UTRN: variants seen among roughly 807,000 people sequenced by gnomAD.
UTRN encodes utrophin, also known as dystrophin-related protein 1.
A neutral mutation model predicts 463.9 loss-of-function variants in UTRN; 283 were observed. The ratio of observed to expected loss-of-function variants is 0.61; its 90% confidence interval spans 0.55 to 0.67. The LOEUF is 0.67. Ranked by LOEUF, UTRN falls within the 30% of genes least tolerant of loss-of-function variation. The probability of loss-of-function intolerance (pLI) is 0.00; values close to 1 mark genes in which losing one functional copy is unlikely to be tolerated. For missense variants in UTRN, 3,922 were observed against 4,084.3 expected (o/e 0.96, Z 1.08); for synonymous variants, 1,442 against 1,431.5 (o/e 1.01, Z -0.17).
At chr6:144,572,142 C>T (rs138579056) in intron 50 of UTRN, among the ~76,000 whole-genome samples, 210 of 152,194 alleles carry the variant, frequency 1.4e-3, no homozygotes, top group African/African-American at 4.8e-3. Flanking sequence ...GTGGTGGCAA[C>T]GCTGAAGACA....
At chr6:144,717,730 G>T (rs1489091592) in intron 53 of UTRN, among the ~76,000 whole-genome samples, 3 of 146,586 alleles carry the variant, frequency 2.0e-5, no homozygotes, top group Non-Finnish European at 4.5e-5. Flanking sequence ...CCGCCTCCCG[G>T]GTCCAAATGA....
chr6:144,322,483 A>G (rs1264010232), intron 2 of UTRN, among the ~76,000 whole-genome samples: 1 of 152,150 alleles, frequency 6.6e-6, no homozygotes, highest in East Asian at 1.9e-4. Flanking sequence ...GCAGGAATTT[A>G]TTTTGACCAG....
chr6:144,367,130 C>T (rs541797809), intron 2 of UTRN, among the ~76,000 whole-genome samples: 29 of 152,194 alleles, frequency 1.9e-4, no homozygotes, highest in East Asian at 9.6e-4. Context: ...ACTACAGGCG[C>T]GTGCCATCAC....
chr6:144,407,669 T>A (rs1783535406), intron 3 of UTRN, among the ~76,000 whole-genome samples: 1 of 152,242 alleles, frequency 6.6e-6, no homozygotes, highest in Admixed American at 6.5e-5. Context: ...ATAAGGGATT[T>A]GGTAAAGAAC....
chr6:144,481,703 G>T (rs1376417715), intron 26 of UTRN, among the ~76,000 whole-genome samples: 5 of 152,208 alleles, frequency 3.3e-5, no homozygotes, highest in African/African-American at 9.6e-5. Context: ...GAAAACATTT[G>T]TGGGAGCTGA....
At chr6:144,816,607 T>C (rs1779099009) in intron 65 of UTRN, among the ~76,000 whole-genome samples, 1 of 151,818 alleles carries the variant, frequency 6.6e-6, no homozygotes, top group Non-Finnish European at 1.5e-5. Flanking sequence ...ATTTTATTTT[T>C]ATTCCTTCAT....
chr6:144,302,219 A>G (rs1351237290), intron 2 of UTRN, among the ~76,000 whole-genome samples: 1 of 152,058 alleles, frequency 6.6e-6, no homozygotes, highest in Non-Finnish European at 1.5e-5. Flanking sequence ...AGTGCTTAAC[A>G]AAGACTTGTG....
intron 2 of UTRN, chr6:144,330,793 G>A (rs901901117): frequency 1.1e-5 from 11 of 983,286 alleles, no homozygotes; most frequent in Non-Finnish European, 1.3e-5. Flanking sequence ...GGGCAGTTGG[G>A]GAGGAACTCA....
intron 2 of UTRN, among the ~76,000 whole-genome samples, chr6:144,348,554 T>A (rs538046892): frequency 5.9e-5 from 9 of 152,164 alleles, no homozygotes; most frequent in Non-Finnish European, 1.3e-4. Context: ...AGTAGGTGGT[T>A]AGGAAGACCA....
At chr6:144,536,135 T>A (rs1797512449) in intron 43 of UTRN, among the ~76,000 whole-genome samples, 2 of 152,294 alleles carry the variant, frequency 1.3e-5, no homozygotes, top group South Asian at 4.1e-4. Flanking sequence ...TTATAATTTG[T>A]TTTTACTCTT....
chr6:144,492,511 A>ATT (rs1384786743), intron 32 of UTRN, among the ~76,000 whole-genome samples: 2 of 152,154 alleles, frequency 1.3e-5, no homozygotes, highest in Non-Finnish European at 2.9e-5. Context: ...TGGTAGAACG[A>ATT]TTATCCTCCT....
intron 51 of UTRN, among the ~76,000 whole-genome samples, chr6:144,618,453 C>T (rs927075776): frequency 2.0e-5 from 3 of 152,032 alleles, no homozygotes; most frequent in Admixed American, 1.3e-4. Context: ...TTTAATCTTC[C>T]ATGTATTAAC....
At chr6:144,659,142 T>C (rs1779609499) in intron 51 of UTRN, among the ~76,000 whole-genome samples, 1 of 152,220 alleles carries the variant, frequency 6.6e-6, no homozygotes, top group Non-Finnish European at 1.5e-5. Flanking sequence ...GTACATTCAC[T>C]CCCTTTTCTT....
At chr6:144,684,592 A>G (rs973629940) in intron 52 of UTRN, among the ~76,000 whole-genome samples, 3 of 152,272 alleles carry the variant, frequency 2.0e-5, no homozygotes, top group South Asian at 2.1e-4. Context: ...TCCAGAGTAC[A>G]CATTTTATTT....
chr6:144,840,704 G>A (rs1213138116), intron 72 of UTRN, 36 bp from the exon 73 acceptor site: 2 of 1,609,708 alleles, frequency 1.2e-6, no homozygotes, highest in Admixed American at 1.7e-5. Context: ...ACATTAATTT[G>A]AGAAGCTTTG....
chr6:144,362,752 A>C (rs530864090), intron 2 of UTRN, among the ~76,000 whole-genome samples: 2 of 152,224 alleles, frequency 1.3e-5, no homozygotes, highest in African/African-American at 4.8e-5. Context: ...GCCACTTGTT[A>C]TGTGATGTGA....
At chr6:144,535,208 G>T (rs1197990066) in intron 43 of UTRN, among the ~76,000 whole-genome samples, 1 of 152,158 alleles carries the variant, frequency 6.6e-6, no homozygotes, top group African/African-American at 2.4e-5. Context: ...AGCCTCCTCA[G>T]TAGCTGAGAT....
chr6:144,401,997 T>G (rs1782976421), intron 2 of UTRN, among the ~76,000 whole-genome samples: 1 of 152,208 alleles, frequency 6.6e-6, no homozygotes, highest in Non-Finnish European at 1.5e-5. Context: ...AGATACGCCT[T>G]GGACAGCTTT....
At chr6:144,809,193 A>G (rs1778398263) in intron 65 of UTRN, among the ~76,000 whole-genome samples, 2 of 152,112 alleles carry the variant, frequency 1.3e-5, no homozygotes, top group Admixed American at 6.6e-5. Flanking sequence ...GTGAGAGAGA[A>G]GTGGATAGGG....
Sources: gnomAD v4.1 joint callset for allele counts (sites outside exome capture counted in the v4.1 genomes callset) on GRCh38, gnomAD v4.1.1 for gene constraint, MANE v1.5 for transcripts, NCBI Gene and HGNC (gene_info 2026-07-23, HGNC 2026-07-21) for gene names.